The following RUNDC3B variants were observed in gnomAD, a reference collection of about 807,000 sequenced individuals.
The protein encoded by RUNDC3B is RUN domain-containing protein 3B.
RUNDC3B carries 33 observed loss-of-function variants against 58.4 expected under a neutral mutation model. The observed-to-expected ratio is 0.56, with a 90% CI of 0.43 to 0.75. The LOEUF is 0.75. RUNDC3B is among the 30% of genes least tolerant of loss of function. The pLI is 0.00. For missense variants in RUNDC3B, 501 were observed against 535.7 expected, an observed-to-expected ratio of 0.94 and a Z score of 0.64; for synonymous variants, 193 against 195.2, an observed-to-expected ratio of 0.99 and a Z score of 0.10.
intron 2 of RUNDC3B, among the ~76,000 whole-genome samples, chr7:87,656,614 G>T (rs77233919): frequency 6.6e-6 from 1 of 151,950 alleles, no homozygotes; most frequent in Non-Finnish European, 1.5e-5. Flanking sequence ...AGAGAAAGAC[G>T]TTAGAGGATA....
chr7:87,676,947 T>A (rs1321914859), intron 2 of RUNDC3B, among the ~76,000 whole-genome samples: 1 of 152,042 alleles, frequency 6.6e-6, no homozygotes, highest in East Asian at 1.9e-4. Context: ...TCTGTCTAGA[T>A]GGCCAGTATA....
At position 87,772,932 on chromosome 7, in the gene RUNDC3B, TACTA is replaced by T. The variant is rs139936027; in HGVS notation, c.798+2189_798+2192del. ...TAGGGGGATAAATATACTAGATAGATACTAACTAAAAGAATTTTATGTCAATATC... is the reference window on the plus strand; with the variant it reads ...TAGGGGGATAAATATACTAGATAGATACTAAAAGAATTTTATGTCAATATC... On this transcript the variant is annotated intron_variant, in intron 7 of 10. Transcript: ENST00000394654. 3.0e-3 allele frequency among the ~76,000 whole-genome samples: 456 copies of T among 152,026 alleles called. 1 individual carries two copies. Among genetic ancestry groups the T allele is most frequent in the African/African-American group, 0.01 (429 of 41,442 alleles).
At chr7:87,785,235 G>T (rs1252002232) in intron 8 of RUNDC3B, among the ~76,000 whole-genome samples, 1 of 152,028 alleles carries the variant, frequency 6.6e-6, no homozygotes, top group Non-Finnish European at 1.5e-5. Flanking sequence ...TGTCCCAAGT[G>T]TTCCAGGCCA....
At chr7:87,691,516 T>C (rs1828010951) in intron 2 of RUNDC3B, among the ~76,000 whole-genome samples, 1 of 152,148 alleles carries the variant, frequency 6.6e-6, no homozygotes, top group African/African-American at 2.4e-5. Context: ...TTCACTTTCT[T>C]TTAACATTAT....
At chr7:87,674,852 T>C (rs1401116493) in intron 2 of RUNDC3B, among the ~76,000 whole-genome samples, 1 of 152,118 alleles carries the variant, frequency 6.6e-6, no homozygotes, top group African/African-American at 2.4e-5. Context: ...GCACCTTCTC[T>C]GTCCAGGTCT....
chr7:87,778,761 T>C (rs1285740665), intron 8 of RUNDC3B, among the ~76,000 whole-genome samples: 1 of 152,204 alleles, frequency 6.6e-6, no homozygotes, highest in Non-Finnish European at 1.5e-5. Flanking sequence ...AGCTACTTTC[T>C]GGTACAAACC....
intron 1 of RUNDC3B, among the ~76,000 whole-genome samples, chr7:87,647,631 A>G (rs1044513236): frequency 2.0e-5 from 3 of 152,194 alleles, no homozygotes; most frequent in African/African-American, 7.2e-5. Flanking sequence ...TTAGTTAAGT[A>G]ACATCAGTCC....
At chr7:87,649,812 A>G (rs1585001049) in intron 1 of RUNDC3B, among the ~76,000 whole-genome samples, 1 of 152,250 alleles carries the variant, frequency 6.6e-6, no homozygotes, top group Middle Eastern at 3.4e-3. Flanking sequence ...GGCCTTTCCC[A>G]TGCTGTTCTT....
intron 4 of RUNDC3B, among the ~76,000 whole-genome samples, chr7:87,717,098 A>G (rs1048561929): frequency 6.6e-6 from 1 of 152,144 alleles, no homozygotes; most frequent in South Asian, 2.1e-4. Flanking sequence ...TGCCTGGCCT[A>G]CTTCTATCAT....
intron 3 of RUNDC3B, among the ~76,000 whole-genome samples, chr7:87,702,939 C>CT (rs1239077811): frequency 6.6e-6 from 1 of 152,180 alleles, no homozygotes; most frequent in Non-Finnish European, 1.5e-5. Context: ...ACTAACTCAA[C>CT]TAACTCACTC....
chr7:87,728,912 C>CT, intron 4 of RUNDC3B, among the ~76,000 whole-genome samples: 1 of 152,236 alleles, frequency 6.6e-6, no homozygotes. Flanking sequence ...TTCAGGGACT[C>CT]TAATGACTAA....
chr7:87,666,153 T>G (rs1825220650), intron 2 of RUNDC3B, among the ~76,000 whole-genome samples: 1 of 152,080 alleles, frequency 6.6e-6, no homozygotes, highest in Admixed American at 6.6e-5. Context: ...CAGCACCTGT[T>G]ATTTTTGACT....
At chr7:87,646,185 A>G (rs1822980321) in intron 1 of RUNDC3B, among the ~76,000 whole-genome samples, 1 of 152,220 alleles carries the variant, frequency 6.6e-6, no homozygotes, top group Non-Finnish European at 1.5e-5. Flanking sequence ...AACGTAACCT[A>G]TGAGTAATGT....
intron 4 of RUNDC3B, among the ~76,000 whole-genome samples, chr7:87,722,188 T>C (rs1424310675): frequency 1.3e-5 from 2 of 152,070 alleles, no homozygotes; most frequent in Non-Finnish European, 2.9e-5. Context: ...TCACCTCTTA[T>C]ACTTATCATT....
In RUNDC3B at chr7:87,770,639, G is replaced by A. The variant is rs1173051243; in HGVS notation, c.688G>A (p.Glu230Lys). Residue 230 changes from glutamate to lysine, a missense_variant, in exon 7 of 11, where the codon GAA (glutamate) becomes AAA (lysine). Coordinates refer to ENST00000394654, the MANE Select transcript of RUNDC3B (RefSeq NM_001134405.2). ...ELRTLGSSGS[E>K]SSTPENVGPP... is the part of the protein sequence containing the mutation. Reference sequence around the variant, plus strand: ...AAGGACTTTGGGAAGCAGTGGTAGCGAAAGCAGTACTCCAGAGAATGTCGG... The same window carrying A: ...AAGGACTTTGGGAAGCAGTGGTAGCAAAAGCAGTACTCCAGAGAATGTCGG... The A allele has an allele frequency of 1.2e-5, 19 of 1,613,336 alleles. No homozygotes were observed. The highest frequency in any genetic ancestry group is 1.6e-5 in the Non-Finnish European group (19 of 1,179,520).
chr7:87,638,896 T>C (rs910731703), intron 1 of RUNDC3B, among the ~76,000 whole-genome samples: 5 of 152,200 alleles, frequency 3.3e-5, no homozygotes, highest in African/African-American at 9.6e-5. Context: ...CTCACACCTG[T>C]AATCCCAGCA....
chr7:87,755,946 T>C (rs772561814), intron 6 of RUNDC3B, among the ~76,000 whole-genome samples: 3 of 152,046 alleles, frequency 2.0e-5, no homozygotes, highest in Non-Finnish European at 4.4e-5. Context: ...ACAAGAAGAG[T>C]AAAAAATTTA....
rs1040485699 is a variant in RUNDC3B, at chr7:87,807,630, G to A, written c.1103+111G>A. On this transcript the variant is annotated intron_variant, in intron 9 of 10. Coordinates refer to ENST00000394654, the MANE Select transcript of RUNDC3B (RefSeq NM_001134405.2). ...TTTCTGAACTTATTATTATCTTAGA[G>A]CAAAGACAAGATTTCGGACTACTTT... 6 of 773,418 alleles carry A rather than the reference G, an allele frequency of 7.8e-6. No individual in the cohort carries two copies. The Admixed American group carries it at 1.2e-4, about 16-fold the overall frequency. The allele number at this position is 773,418 out of a possible 1,614,324, so 47.9% of individuals were successfully genotyped here.
In RUNDC3B at chr7:87,832,232, T is replaced by TGTG. The variant is rs1178781994; in HGVS notation, c.*2203_*2205dup. 1 of 152,008 alleles carries TGTG rather than the reference T, an allele frequency of 6.6e-6. No individual in the cohort carries two copies. Among genetic ancestry groups the TGTG allele is most frequent in the East Asian group, 1.9e-4 (1 of 5,198 alleles). The allele number at this position is 152,008 out of a possible 1,614,324, so 9.4% of individuals were successfully genotyped here. On this transcript the variant is annotated 3_prime_UTR_variant, in exon 11 of 11. Coordinates refer to ENST00000394654, the MANE Select transcript of RUNDC3B (RefSeq NM_001134405.2). ...GCTGAATTATACGCCAATATTTCCA[T>TGTG]GTGTATTCTGTTGCCTTGATGCGTA...
Sources: allele counts gnomAD v4.1 joint callset (sites outside exome capture counted in the v4.1 genomes callset), GRCh38; gene constraint gnomAD v4.1.1; transcripts MANE v1.5; gene names NCBI Gene and HGNC (gene_info 2026-07-23, HGNC 2026-07-21).